Variants in MAD1L1 observed in about 807,000 individuals in gnomAD.
MAD1L1 encodes mitotic arrest deficient 1 like 1, also known as mitotic spindle assembly checkpoint protein MAD1.
A neutral mutation model predicts 96.9 loss-of-function variants in MAD1L1; 95 were observed. The ratio of observed to expected loss-of-function variants is 0.98; its 90% CI spans 0.83 to 1.16. The LOEUF (loss-of-function observed/expected upper bound fraction) is 1.16. Ranked by LOEUF, MAD1L1 falls within the 50% of genes most tolerant of loss-of-function variation. MAD1L1 has a pLI of 0.00. For missense variants in MAD1L1, 1,007 were observed against 954.4 expected (o/e 1.06, Z -0.73); for synonymous variants, 473 against 396.6 (o/e 1.19, Z -2.29).
intron 15 of MAD1L1, among the ~76,000 whole-genome samples, chr7:1,964,185 A>G (rs1048147075): frequency 2.0e-5 from 3 of 152,124 alleles, no homozygotes; most frequent in African/African-American, 7.2e-5. Context: ...GTGATGAGTG[A>G]CGACATGGTG....
intron 16 of MAD1L1, among the ~76,000 whole-genome samples, chr7:1,939,206 ACACACACACGGGCCAGGGCCAGAGG>A (rs1444971671): frequency 1.5e-5 from 2 of 137,352 alleles, no homozygotes; most frequent in Admixed American, 7.3e-5. Context: ...ACACACACAC[ACACACACACGGGCCAGGGCCAGAGG>A]CACACACACA....
At chr7:1,962,945 T>C (rs1780010941) in intron 15 of MAD1L1, among the ~76,000 whole-genome samples, 1 of 152,116 alleles carries the variant, frequency 6.6e-6, no homozygotes, top group South Asian at 2.1e-4. Flanking sequence ...AGACCCTGTC[T>C]GTAAAAGAAA....
chr7:1,947,668 C>T (rs1362132607), intron 16 of MAD1L1, among the ~76,000 whole-genome samples: 1 of 152,224 alleles, frequency 6.6e-6, no homozygotes, highest in East Asian at 1.9e-4. Flanking sequence ...GCCTTGCCCG[C>T]TTGGCCTTCC....
At chr7:1,862,500 C>T (rs539992636) in intron 18 of MAD1L1, among the ~76,000 whole-genome samples, 2 of 152,326 alleles carry the variant, frequency 1.3e-5, no homozygotes, top group East Asian at 1.9e-4. Context: ...GGATCCCTCC[C>T]TCCCTGCCTT....
chr7:1,966,030 C>T (rs1014066352), intron 15 of MAD1L1, among the ~76,000 whole-genome samples: 68 of 152,274 alleles, frequency 4.5e-4, no homozygotes, highest in African/African-American at 1.3e-3. Context: ...GAGCTGAGGG[C>T]GTCCCTGGGT....
intron 3 of MAD1L1, among the ~76,000 whole-genome samples, chr7:2,226,727 C>T (rs1421521662): frequency 1.3e-5 from 2 of 152,224 alleles, no homozygotes; most frequent in South Asian, 2.1e-4. Context: ...TGGTGGCTCA[C>T]ACCTGTAATC....
chr7:1,894,616 C>T (rs1045065773), intron 18 of MAD1L1, among the ~76,000 whole-genome samples: 3 of 152,170 alleles, frequency 2.0e-5, no homozygotes, highest in Non-Finnish European at 2.9e-5. Flanking sequence ...CCCTCATGAA[C>T]ATGCTCTAAA....
At chr7:1,915,984 C>T (rs1374911020) in intron 17 of MAD1L1, among the ~76,000 whole-genome samples, 2 of 152,216 alleles carry the variant, frequency 1.3e-5, no homozygotes, top group African/African-American at 4.8e-5. Flanking sequence ...ACAATCCAGT[C>T]GAAAATGGCA....
At chr7:1,887,993 GT>G (rs1786240457) in intron 18 of MAD1L1, among the ~76,000 whole-genome samples, 18 of 116,404 alleles carry the variant, frequency 1.5e-4, no homozygotes, top group African/African-American at 4.9e-4. Flanking sequence ...GCATGCATGT[GT>G]GTATATGGCT....
At chr7:2,130,825 G>A (rs1034436186) in intron 11 of MAD1L1, among the ~76,000 whole-genome samples, 2 of 152,182 alleles carry the variant, frequency 1.3e-5, no homozygotes, top group Non-Finnish European at 2.9e-5. Context: ...GGCACAAGAT[G>A]CCTGCTACAT....
chr7:2,014,701 G>A (rs1181378586), intron 12 of MAD1L1, 59 bp from the exon 13 acceptor site: 33 of 1,535,534 alleles, frequency 2.1e-5, no homozygotes, highest in South Asian at 2.5e-5. Flanking sequence ...TAATGATGGA[G>A]ACGGCTCAGG....
chr7:1,926,253 T>G (rs116086386), intron 17 of MAD1L1, among the ~76,000 whole-genome samples: 14,341 of 152,234 alleles, frequency 0.094, 2,205 homozygotes, highest in African/African-American at 0.32. Flanking sequence ...CTGTAATGAT[T>G]AGAACCTGCC....
At chr7:1,926,062 A>G (rs1284444444) in intron 17 of MAD1L1, among the ~76,000 whole-genome samples, 1 of 152,260 alleles carries the variant, frequency 6.6e-6, no homozygotes, top group Non-Finnish European at 1.5e-5. Flanking sequence ...GACCAGTATC[A>G]GGAAGGAAGG....
At chr7:1,943,144 C>T (rs7792631) in intron 16 of MAD1L1, among the ~76,000 whole-genome samples, 49,196 of 152,144 alleles carry the variant, frequency 0.32, 8,234 homozygotes, top group East Asian at 0.47. Flanking sequence ...CCAAGACCCA[C>T]GCAAAGCCCA....
intron 18 of MAD1L1, among the ~76,000 whole-genome samples, chr7:1,896,935 A>C (rs1786912187): frequency 6.6e-6 from 1 of 152,274 alleles, no homozygotes; most frequent in Non-Finnish European, 1.5e-5. Context: ...AATTATTCAA[A>C]GTATACAGAA....
At chr7:2,131,877 C>T (rs1192092562) in intron 11 of MAD1L1, among the ~76,000 whole-genome samples, 1 of 152,254 alleles carries the variant, frequency 6.6e-6, no homozygotes, top group African/African-American at 2.4e-5. Flanking sequence ...AACTGGCAGT[C>T]ACACAAGTCC....
rs1340919794 is a variant in MAD1L1 at position 2,127,493 on chromosome 7, A to G, written c.1073+21659T>C. Reference sequence around the variant, plus strand: ...CTGTGCCACGGAGGAGCAGCTGCACACGGGGGAGCGGGCCCGACCACACCG... The same window carrying G: ...CTGTGCCACGGAGGAGCAGCTGCACGCGGGGGAGCGGGCCCGACCACACCG... On this transcript the variant is annotated intron_variant, in intron 11 of 18. Coordinates refer to ENST00000265854, the MANE Select transcript of MAD1L1 (RefSeq NM_001013836.2). Among the ~76,000 whole-genome samples the G allele has an allele frequency of 7.9e-5, 12 of 152,280 alleles. No homozygotes were observed. In the East Asian group the frequency reaches 1.7e-3, roughly 22 times the overall value.
intron 18 of MAD1L1, among the ~76,000 whole-genome samples, chr7:1,855,656 C>T (rs765752193): frequency 4.6e-5 from 7 of 152,174 alleles, no homozygotes; most frequent in Non-Finnish European, 7.3e-5. Flanking sequence ...ATTCTGGGAG[C>T]ATTCCTTGTG....
chr7:1,887,811 G>C (rs1016607126), intron 18 of MAD1L1, among the ~76,000 whole-genome samples: 6 of 76,836 alleles, frequency 7.8e-5, no homozygotes, highest in African/African-American at 3.5e-4. Context: ...GGCTGCCTGT[G>C]TGTGTGTGCA....
Sources: gnomAD v4.1 joint callset for allele counts (sites outside exome capture counted in the v4.1 genomes callset) on GRCh38, gnomAD v4.1.1 for gene constraint, MANE v1.5 for transcripts, NCBI Gene and HGNC (gene_info 2026-07-23, HGNC 2026-07-21) for gene names.